Variants in PHACTR4 observed in about 807,000 individuals in gnomAD.
PHACTR4 encodes the protein phosphatase and actin regulator 4.
In PHACTR4, 51 loss-of-function variants were observed where a neutral mutation model predicts 72.7. That is an observed-to-expected ratio of 0.70 (90% CI 0.56 to 0.89). PHACTR4 has a LOEUF of 0.89. Ranked by LOEUF, PHACTR4 falls within the 40% of genes least tolerant of loss-of-function variation. The pLI, the probability that PHACTR4 is intolerant of heterozygous loss-of-function variation, is 0.00. For synonymous variants in PHACTR4, 255 were observed against 302.5 expected, an observed-to-expected ratio of 0.84 and a Z score of 1.63; for missense variants, 731 against 861.8, an observed-to-expected ratio of 0.85 and a Z score of 1.90.
At chr1:28,403,886 A>G (rs1654117455) in intron 1 of PHACTR4, among the ~76,000 whole-genome samples, 1 of 152,166 alleles carries the variant, frequency 6.6e-6, no homozygotes, top group South Asian at 2.1e-4. Flanking sequence ...ACGTTTATCC[A>G]TGTTACAACA....
chr1:28,444,782 A>ATTTTTTTTTTT (rs577693546), intron 2 of PHACTR4, among the ~76,000 whole-genome samples: 11 of 116,680 alleles, frequency 9.4e-5, no homozygotes, highest in African/African-American at 3.3e-4. Flanking sequence ...CACCCAGCTA[A>ATTTTTTTTTTT]TTTTTTTTTT....
chr1:28,419,169 A>T (rs1175771670), intron 2 of PHACTR4, among the ~76,000 whole-genome samples: 1 of 150,672 alleles, frequency 6.6e-6, no homozygotes. Flanking sequence ...TTTTTAGTAG[A>T]GACAGGGTTT....
intron 2 of PHACTR4, among the ~76,000 whole-genome samples, chr1:28,458,047 C>T (rs1430126590): frequency 6.7e-6 from 1 of 149,416 alleles, no homozygotes; most frequent in African/African-American, 2.5e-5. Context: ...TATTTCAGTT[C>T]TGCACATGTA....
At position 28,492,918 on chromosome 1, in the gene PHACTR4, G is replaced by C. The variant is rs1661125969; in HGVS notation, c.2017-97G>C. The C allele has an allele frequency of 5.6e-6, 6 of 1,064,606 alleles. No individual in the cohort carries two copies. In the Admixed American group the frequency reaches 7.7e-5, roughly 14 times the overall value. 65.9% of individuals were successfully genotyped at this position (1,064,606 alleles called of 1,614,324 possible). A position where few individuals can be genotyped will look rare whatever the true frequency, so the allele number is the denominator to read the frequency against. On this transcript the variant is annotated intron_variant, in intron 12 of 13. Coordinates refer to ENST00000373839, the MANE Select transcript of PHACTR4 (RefSeq NM_001048183.3). ...TGGGTTGCCTGTGAGGGGTTGCAGT[G>C]ACTTACAAAGTTAAACACAGTACAG...
chr1:28,487,239 G>A (rs188312980), intron 9 of PHACTR4, among the ~76,000 whole-genome samples: 110 of 151,728 alleles, frequency 7.2e-4, no homozygotes, highest in Non-Finnish European at 1.3e-3. Context: ...GGTGGCACGC[G>A]CCTATAGTCC....
intron 1 of PHACTR4, among the ~76,000 whole-genome samples, chr1:28,380,523 A>G (rs1222119611): frequency 6.6e-6 from 1 of 152,104 alleles, no homozygotes; most frequent in African/African-American, 2.4e-5. Flanking sequence ...CTACTCTCCA[A>G]TAGGCACCAG....
intron 2 of PHACTR4, among the ~76,000 whole-genome samples, chr1:28,439,731 C>T (rs1348449771): frequency 6.6e-6 from 1 of 152,192 alleles, no homozygotes. Context: ...CTTCTGCATT[C>T]CCTTCTGATG....
intron 1 of PHACTR4, among the ~76,000 whole-genome samples, chr1:28,391,084 G>T (rs933134999): frequency 6.7e-6 from 1 of 148,934 alleles, no homozygotes; most frequent in East Asian, 1.9e-4. Flanking sequence ...GGCGACAAGA[G>T]TGAGACCCTG....
At chr1:28,492,729 C>T (rs1040736701) in intron 12 of PHACTR4, among the ~76,000 whole-genome samples, 4 of 152,166 alleles carry the variant, frequency 2.6e-5, no homozygotes, top group Non-Finnish European at 5.9e-5. Context: ...CACTGCACTC[C>T]AGCCCCAGCA....
chr1:28,390,662 C>T (rs928960877), intron 1 of PHACTR4, among the ~76,000 whole-genome samples: 2 of 151,702 alleles, frequency 1.3e-5, no homozygotes, highest in African/African-American at 4.8e-5. Flanking sequence ...GCGTGGTGGC[C>T]CATACCTGTA....
chr1:28,423,254 A>G (rs1485359795), intron 2 of PHACTR4, among the ~76,000 whole-genome samples: 1 of 152,092 alleles, frequency 6.6e-6, no homozygotes, highest in Non-Finnish European at 1.5e-5. Context: ...CAAAAAATAA[A>G]CAGAATTAGC....
At chr1:28,480,743 T>A in intron 9 of PHACTR4, 139 bp downstream of exon 9, 1 of 1,128,486 alleles carries the variant, frequency 8.9e-7, no homozygotes, top group South Asian at 1.4e-5. Flanking sequence ...CAGGCTGGAG[T>A]AGTGGCGCGA....
intron 1 of PHACTR4, among the ~76,000 whole-genome samples, chr1:28,392,859 T>G: frequency 6.6e-6 from 1 of 152,296 alleles, no homozygotes; most frequent in East Asian, 1.9e-4. Flanking sequence ...TTTCTATCTG[T>G]GAAATTGTGA....
At chr1:28,466,345 TCTCTTCC>T (rs781317357) in intron 5 of PHACTR4, 30 bp from the exon 6 acceptor site, 5 of 1,561,810 alleles carry the variant, frequency 3.2e-6, no homozygotes, top group African/African-American at 1.4e-5. Context: ...CTTGTTACTC[TCTCTTCC>T]CTTTTTATAC....
chr1:28,476,772 C>CTTTTTTTTTTTTTTTTTTTTTTTTT lies in PHACTR4; in HGVS notation c.1606+496_1606+497insTTTTTTTTTTTTTTTTTTTTTTTTT, dbSNP rs35369238. The stretch of plus-strand genomic sequence containing the variant: ...GTCTCGTTAGGTTGCCTAGCCTGTT[C>CTTTTTTTTTTTTTTTTTTTTTTTTT]TTTTTTTTTTTTTTTGAGACGGAGT... On this transcript the variant is annotated intron_variant, in intron 8 of 13. Coordinates refer to ENST00000373839, the MANE Select transcript of PHACTR4 (RefSeq NM_001048183.3). Among the ~76,000 whole-genome samples, 5 of 98,434 alleles carry CTTTTTTTTTTTTTTTTTTTTTTTTT rather than the reference C, an allele frequency of 5.1e-5. 1 individual carries two copies. Among genetic ancestry groups the CTTTTTTTTTTTTTTTTTTTTTTTTT allele is most frequent in the African/African-American group, 1.5e-4 (3 of 20,544 alleles). 64.6% of individuals were successfully genotyped at this position (98,434 alleles called of 152,430 possible).
At chr1:28,442,253 TCA>T (rs1657091653) in intron 2 of PHACTR4, among the ~76,000 whole-genome samples, 1 of 151,838 alleles carries the variant, frequency 6.6e-6, no homozygotes, top group Admixed American at 6.6e-5. Flanking sequence ...AATCACGAGG[TCA>T]GGAGATGAGA....
chr1:28,457,765 A>G (rs1450592975), intron 2 of PHACTR4: 3 of 907,156 alleles, frequency 3.3e-6, no homozygotes, highest in East Asian at 2.4e-4. Context: ...GTATTTCTAC[A>G]AAGTAGAGGT....
rs531028927 is a variant in PHACTR4, at chr1:28,491,096, C to T, written c.1878+84C>T. On this transcript the variant is annotated intron_variant, in intron 11 of 13. Coordinates refer to ENST00000373839, the MANE Select transcript of PHACTR4 (RefSeq NM_001048183.3). Reference sequence around the variant, plus strand: ...TTGGAAATGAATTCACAGCTGGGCACAGTGGCTTGCGCCTGTAATCCCAGC... The same window carrying T: ...TTGGAAATGAATTCACAGCTGGGCATAGTGGCTTGCGCCTGTAATCCCAGC... 12 of 1,377,304 alleles carry T rather than the reference C, an allele frequency of 8.7e-6. No individual in the cohort carries two copies. The African/African-American group carries it at 1.3e-4, about 15-fold the overall frequency. The allele number at this position is 1,377,304 out of a possible 1,614,324, so 85.3% of individuals were successfully genotyped here. A position where few individuals can be genotyped will look rare whatever the true frequency, so the allele number is the denominator to read the frequency against.
intron 1 of PHACTR4, among the ~76,000 whole-genome samples, chr1:28,383,278 A>T (rs751669124): frequency 2.0e-5 from 3 of 152,020 alleles, no homozygotes; most frequent in Non-Finnish European, 4.4e-5. Flanking sequence ...GTATAGTTTG[A>T]TGTTGGATAG....
Sources: gnomAD v4.1 joint callset for allele counts (sites outside exome capture counted in the v4.1 genomes callset) on GRCh38, gnomAD v4.1.1 for gene constraint, MANE v1.5 for transcripts, NCBI Gene and HGNC (gene_info 2026-07-23, HGNC 2026-07-21) for gene names.